Variants in RBFOX1 observed in about 807,000 individuals in gnomAD.
RBFOX1 encodes the protein RNA binding fox-1 homolog 1.
A neutral mutation model predicts 57.7 loss-of-function variants in RBFOX1; 8 were observed. The ratio of observed to expected loss-of-function variants is 0.14; its 90% CI spans 0.08 to 0.25. RBFOX1 has a LOEUF of 0.25. RBFOX1 is among the 10% of genes least tolerant of loss of function. The pLI is 1.00. For synonymous variants in RBFOX1, 326 were observed against 222.4 expected (o/e 1.47, Z -4.15); for missense variants, 611 against 548.5 (o/e 1.11, Z -1.14).
chr16:7,143,442 G>T (rs1013182941), intron 4 of RBFOX1, among the ~76,000 whole-genome samples: 2 of 152,074 alleles, frequency 1.3e-5, no homozygotes, highest in African/African-American at 2.4e-5. Flanking sequence ...AATAAAATGT[G>T]CCTCAGTAAT....
At chr16:6,178,982 G>A (rs1016373165) in intron 1 of RBFOX1, among the ~76,000 whole-genome samples, 34 of 152,148 alleles carry the variant, frequency 2.2e-4, no homozygotes, top group Non-Finnish European at 2.9e-5. Flanking sequence ...TCTCAATTGG[G>A]AAGGATTTAA....
chr16:6,420,406 C>G (rs1163367376), intron 2 of RBFOX1, among the ~76,000 whole-genome samples: 1 of 151,958 alleles, frequency 6.6e-6, no homozygotes, highest in Non-Finnish European at 1.5e-5. Flanking sequence ...CTGTGATGCA[C>G]TTTATAATTT....
intron 2 of RBFOX1, among the ~76,000 whole-genome samples, chr16:6,543,241 C>G (rs1037222568): frequency 1.2e-4 from 19 of 152,112 alleles, no homozygotes; most frequent in African/African-American, 4.6e-4. Context: ...TGGATGGCGT[C>G]TCCTCCATGC....
intron 3 of RBFOX1, among the ~76,000 whole-genome samples, chr16:6,885,121 G>A (rs1427592472): frequency 1.3e-5 from 2 of 152,144 alleles, no homozygotes; most frequent in African/African-American, 4.8e-5. Context: ...GAAACGGAAG[G>A]AGGAAAGTCT....
At chr16:6,840,635 C>T (rs1276893830) in intron 3 of RBFOX1, among the ~76,000 whole-genome samples, 1 of 151,960 alleles carries the variant, frequency 6.6e-6, no homozygotes, top group Admixed American at 6.6e-5. Flanking sequence ...ATACCCATAA[C>T]CCCAGCACTT....
At chr16:5,925,840 A>C (rs1308440187) in intron 4 of RBFOX1, among the ~76,000 whole-genome samples, 3 of 152,042 alleles carry the variant, frequency 2.0e-5, no homozygotes, top group Non-Finnish European at 4.4e-5. Flanking sequence ...CCAAATAACT[A>C]CCTGGGCCCC....
chr16:6,806,866 C>G (rs2086963054), intron 3 of RBFOX1, among the ~76,000 whole-genome samples: 1 of 79,446 alleles, frequency 1.3e-5, no homozygotes, highest in South Asian at 3.5e-4. Context: ...GAAAGTCTTG[C>G]TCTGTTACCC....
chr16:6,746,681 G>GA (rs201343789), intron 3 of RBFOX1, among the ~76,000 whole-genome samples: 46 of 142,182 alleles, frequency 3.2e-4, no homozygotes, highest in South Asian at 1.1e-3. Flanking sequence ...AGGTGTCAGG[G>GA]AAAAAAAAAA....
intron 4 of RBFOX1, among the ~76,000 whole-genome samples, chr16:7,346,029 C>A (rs2096995059): frequency 6.6e-6 from 1 of 152,106 alleles, no homozygotes; most frequent in Non-Finnish European, 1.5e-5. Flanking sequence ...TTCCTGTGTC[C>A]AAGTGTTCTC....
intron 1 of RBFOX1, among the ~76,000 whole-genome samples, chr16:6,233,865 C>T (rs904166726): frequency 6.6e-6 from 1 of 152,128 alleles, no homozygotes; most frequent in Non-Finnish European, 1.5e-5. Flanking sequence ...TTTTATTACC[C>T]CTGTCTTAGT....
chr16:6,324,324 T>G (rs1478593270), intron 2 of RBFOX1, among the ~76,000 whole-genome samples: 2 of 152,198 alleles, frequency 1.3e-5, no homozygotes, highest in African/African-American at 2.4e-5. Flanking sequence ...TGTCAATTTG[T>G]TCTCACATTG....
intron 2 of RBFOX1, among the ~76,000 whole-genome samples, chr16:6,575,368 T>G (rs985660012): frequency 2.6e-5 from 4 of 152,150 alleles, no homozygotes; most frequent in Admixed American, 6.5e-5. Flanking sequence ...GTCTATAGAT[T>G]GCTGGAAACT....
intron 3 of RBFOX1, among the ~76,000 whole-genome samples, chr16:5,660,342 G>A (rs1039804328): frequency 6.6e-6 from 1 of 152,068 alleles, no homozygotes; most frequent in Non-Finnish European, 1.5e-5. Context: ...CCTCTCCCTC[G>A]CGTTTTCGGC....
At chr16:6,271,450 A>G (rs1459896490) in intron 1 of RBFOX1, among the ~76,000 whole-genome samples, 1 of 152,152 alleles carries the variant, frequency 6.6e-6, no homozygotes, top group East Asian at 1.9e-4. Context: ...ACAGGGAAGG[A>G]AGTTATAAAG....
intron 2 of RBFOX1, among the ~76,000 whole-genome samples, chr16:6,456,107 T>G (rs1299763923): frequency 2.0e-5 from 3 of 152,168 alleles, no homozygotes; most frequent in Non-Finnish European, 1.5e-5. Context: ...CAACAATAAT[T>G]TATTTAGCAC....
intron 3 of RBFOX1, among the ~76,000 whole-genome samples, chr16:6,886,209 G>C (rs1329951136): frequency 6.6e-6 from 1 of 151,854 alleles, no homozygotes; most frequent in Non-Finnish European, 1.5e-5. Flanking sequence ...TTACAGGCGT[G>C]TGCTACCACG....
chr16:7,300,163 C>A (rs1291281150), intron 4 of RBFOX1, among the ~76,000 whole-genome samples: 3 of 152,106 alleles, frequency 2.0e-5, no homozygotes, highest in Admixed American at 6.5e-5. Context: ...CAGCACTCAC[C>A]ACCATCTATT....
chr16:7,146,465 G>C (rs564214380), intron 4 of RBFOX1, among the ~76,000 whole-genome samples: 1 of 152,250 alleles, frequency 6.6e-6, no homozygotes, highest in South Asian at 2.1e-4. Flanking sequence ...TTCTAGTGAC[G>C]ATGAACAAAG....
chr16:6,607,417 C>CCT (rs58726712), intron 2 of RBFOX1, among the ~76,000 whole-genome samples: 122,599 of 143,822 alleles, frequency 0.85, 53,730 homozygotes, highest in Non-Finnish European at 0.97. Flanking sequence ...CAGTCTCTCT[C>CCT]CTCTCTCTCT....
Sources: allele counts gnomAD v4.1 joint callset (sites outside exome capture counted in the v4.1 genomes callset), GRCh38; gene constraint gnomAD v4.1.1; transcripts MANE v1.5; gene names NCBI Gene and HGNC (gene_info 2026-07-23, HGNC 2026-07-21).